Variants in KLF14 observed in about 807,000 individuals in gnomAD.
KLF14 encodes the protein KLF transcription factor 14.
Under a neutral mutation model 16.2 loss-of-function variants are expected in KLF14, and 13 were observed. The ratio of observed to expected loss-of-function variants is 0.80; its 90% CI spans 0.52 to 1.28. The LOEUF is 1.28. Among genes scored for constraint, KLF14 ranks in the 50% most tolerant of loss-of-function variants. The probability of loss-of-function intolerance (pLI) is 0.00; values close to 1 mark genes in which losing one functional copy is unlikely to be tolerated. For missense variants in KLF14, 571 were observed against 493.4 expected, an observed-to-expected ratio of 1.16 and a Z score of -1.49; for synonymous variants, 276 against 233.7, an observed-to-expected ratio of 1.18 and a Z score of -1.65.
rs782804960 is a variant in KLF14, at chr7:130,733,357, G to T, written c.677C>A (p.Ser226Tyr). The stretch of plus-strand genomic sequence containing the variant: ...CTTGTCGCAGTCGAGCCAGTCGCAG[G>T]AGAAAGGGCGCTCACCCGTGTGGGT... ...QRTHTGERPF[S>Y]CDWLDCDKKF... The change falls in exon 1 of 1, where the codon TCC becomes TAC. Residue 226 changes from serine to tyrosine, a missense_variant. Ser to Tyr is a moderately radical substitution (Grantham distance 144). Coordinates refer to ENST00000583337, the MANE Select transcript of KLF14 (RefSeq NM_138693.4). This position sits in a 1 kb window ranked among gnomAD's most constrained non-coding sequence, Gnocchi z 5.2. The T allele has an allele frequency of 6.2e-7, 1 of 1,614,032 alleles. No homozygotes were observed. Among genetic ancestry groups the T allele is most frequent in the South Asian group, 1.1e-5 (1 of 91,054 alleles).
At position 130,732,999 on chromosome 7, in the gene KLF14, A is replaced by G. The variant is rs1797217328; in HGVS notation, c.*63T>C. On this transcript the variant is annotated 3_prime_UTR_variant, in exon 1 of 1. Transcript: ENST00000583337. ...CTCTGGGAAAGAAGGATGGGCAGAG[A>G]GAAAGCAGGGACAACGGCCTGGGGG... The G allele has an allele frequency of 6.6e-7, 1 of 1,506,376 alleles. No homozygotes were observed. Among genetic ancestry groups the G allele is most frequent in the African/African-American group, 1.4e-5 (1 of 71,608 alleles). 93.3% of individuals were successfully genotyped at this position (1,506,376 alleles called of 1,614,324 possible).
rs1554471153 is a variant in KLF14 at position 130,733,883 on chromosome 7, C to A, written c.151G>T (p.Ala51Ser). 1 of 1,330,146 alleles carries A rather than the reference C, an allele frequency of 7.5e-7. No individual in the cohort carries two copies. Among genetic ancestry groups the A allele is most frequent in the South Asian group, 1.9e-5 (1 of 51,896 alleles). 82.4% of individuals were successfully genotyped at this position (1,330,146 alleles called of 1,614,324 possible). Reference sequence around the variant, plus strand: ...CCCGGTGGCCCCGGACCCGGCAGAGCGGACTCCGGCGGCGCCGCACCCACC... The same window carrying A: ...CCCGGTGGCCCCGGACCCGGCAGAGAGGACTCCGGCGGCGCCGCACCCACC... ...SEVGAAPPES[A>S]LPGPGPPGPA... Residue 51 changes from alanine to serine, a missense_variant, in exon 1 of 1, where the codon GCT becomes TCT. Physicochemically the swap from Ala to Ser is moderately conservative, Grantham distance 99. Coordinates refer to ENST00000583337, the MANE Select transcript of KLF14 (RefSeq NM_138693.4). This position sits in a 1 kb window ranked among gnomAD's most constrained non-coding sequence, Gnocchi z 5.2.
In KLF14 at chr7:130,733,048, C is replaced by T. The variant is rs1554470756; in HGVS notation, c.*14G>A. 1 of 1,542,662 alleles carries T rather than the reference C, an allele frequency of 6.5e-7. No homozygotes were observed. On this transcript the variant is annotated 3_prime_UTR_variant, in exon 1 of 1. Coordinates refer to ENST00000583337, the MANE Select transcript of KLF14 (RefSeq NM_138693.4). The surrounding 1 kb of genome is among the most constrained non-coding windows in gnomAD (Gnocchi z 5.2). ...GGATCATCCTTGAGGGTAAGACTGA[C>T]AGCAATGACTGTCCTACAGGCAGGT...
Position 130,733,002 on chromosome 7 carries a change from A to C in KLF14, c.*60T>G, listed in dbSNP as rs1797217382. On this transcript the variant is annotated 3_prime_UTR_variant, in exon 1 of 1. Coordinates refer to ENST00000583337, the MANE Select transcript of KLF14 (RefSeq NM_138693.4). The surrounding 1 kb of genome is among the most constrained non-coding windows in gnomAD (Gnocchi z 5.2). ...TGGGAAAGAAGGATGGGCAGAGAGA[A>C]AGCAGGGACAACGGCCTGGGGGATC... 2 of 1,508,576 alleles carry C rather than the reference A, an allele frequency of 1.3e-6. No individual in the cohort carries two copies. The highest frequency in any genetic ancestry group is 1.8e-6 in the Non-Finnish European group (2 of 1,132,280). 93.4% of individuals were successfully genotyped at this position (1,508,576 alleles called of 1,614,324 possible). A position where few individuals can be genotyped will look rare whatever the true frequency, so the allele number is the denominator to read the frequency against.
rs1256866663 is a variant in KLF14 at position 130,733,961 on chromosome 7, C to A, written c.73G>T (p.Val25Phe). Residue 25 changes from valine to phenylalanine, a missense_variant, in exon 1 of 1, where the codon GTT becomes TTT. Val to Phe is a conservative substitution (Grantham distance 50). Transcript: ENST00000583337. This position sits in a 1 kb window ranked among gnomAD's most constrained non-coding sequence, Gnocchi z 5.2. Reference sequence around the variant, plus strand: ...TCGGGGTCCGGCGGGCGGCGGTGAACCACGGCGCCCGCGGACATGGACACC... The same window carrying A: ...TCGGGGTCCGGCGGGCGGCGGTGAAACACGGCGCCCGCGGACATGGACACC... ...CLVSMSAGAVVHRRPPDPEGA... is the reference protein window; with the variant it reads ...CLVSMSAGAVFHRRPPDPEGA... 1 of 1,372,680 alleles carries A rather than the reference C, an allele frequency of 7.3e-7. No homozygotes were observed. The highest frequency in any genetic ancestry group is 3.4e-5 in the East Asian group (1 of 29,368). The allele number at this position is 1,372,680 out of a possible 1,614,324, so 85.0% of individuals were successfully genotyped here. A position where few individuals can be genotyped will look rare whatever the true frequency, so the allele number is the denominator to read the frequency against.
rs1797217778 is a variant in KLF14, at chr7:130,733,021, G to A, written c.*41C>T. 5 of 1,520,838 alleles carry A rather than the reference G, an allele frequency of 3.3e-6. No homozygotes were observed. Among genetic ancestry groups the A allele is most frequent in the Middle Eastern group, 4.6e-4 (2 of 4,356 alleles). 94.2% of individuals were successfully genotyped at this position (1,520,838 alleles called of 1,614,324 possible). On this transcript the variant is annotated 3_prime_UTR_variant, in exon 1 of 1. Transcript: ENST00000583337. The surrounding 1 kb of genome is among the most constrained non-coding windows in gnomAD (Gnocchi z 5.2). ...GAGAGAAAGCAGGGACAACGGCCTGGGGGATCATCCTTGAGGGTAAGACTG... is the reference window on the plus strand; with the variant it reads ...GAGAGAAAGCAGGGACAACGGCCTGAGGGATCATCCTTGAGGGTAAGACTG...
Position 130,733,599 on chromosome 7 carries a change from G to A in KLF14, c.435C>T (p.Ser145=), listed in dbSNP as rs1443611773. 5 of 1,545,906 alleles carry A rather than the reference G, an allele frequency of 3.2e-6. No individual in the cohort carries two copies. Among genetic ancestry groups the A allele is most frequent in the East Asian group, 4.9e-5 (2 of 40,994 alleles). The change falls in exon 1 of 1, where the codon TCC becomes TCT. Residue 145 remains serine, a synonymous_variant. Coordinates refer to ENST00000583337, the MANE Select transcript of KLF14 (RefSeq NM_138693.4). The surrounding 1 kb of genome is among the most constrained non-coding windows in gnomAD (Gnocchi z 5.2). ...GCGCGCTTGGGACGGCGGGCGCATCGGAGGAGCTCTCGGGAGCGCAGACCG... is the reference window on the plus strand; with the variant it reads ...GCGCGCTTGGGACGGCGGGCGCATCAGAGGAGCTCTCGGGAGCGCAGACCG... ...AAAVCAPESS[S]DAPAVPSAPA... is the part of the protein sequence containing the mutation.
Position 130,732,854 on chromosome 7 carries a change from T to C in KLF14, c.*208A>G, listed in dbSNP as rs1797214076. 3.4e-6 allele frequency: 2 copies of C among 591,818 alleles called. No individual in the cohort carries two copies. Among genetic ancestry groups the C allele is most frequent in the Non-Finnish European group, 5.8e-6 (2 of 346,638 alleles). 36.7% of individuals were successfully genotyped at this position (591,818 alleles called of 1,614,324 possible). On this transcript the variant is annotated 3_prime_UTR_variant, in exon 1 of 1. Coordinates refer to ENST00000583337, the MANE Select transcript of KLF14 (RefSeq NM_138693.4). Reference sequence around the variant, plus strand: ...CTTGAGGCAACCCCCACTTTTAGGATGATATACACGTTGCAAGAATTCCCG... The same window carrying C: ...CTTGAGGCAACCCCCACTTTTAGGACGATATACACGTTGCAAGAATTCCCG...
Position 130,734,179 on chromosome 7 carries a change from C to CGCCGCA in KLF14, c.-152_-147dup, listed in dbSNP as rs1797263138. ...GCCTGCCGCCTGCTGCCGCCGCCGC[C>CGCCGCA]GCCGCAGCCGCCGCTGCCGCCGCCG... On this transcript the variant is annotated 5_prime_UTR_variant, in exon 1 of 1. Coordinates refer to ENST00000583337, the MANE Select transcript of KLF14 (RefSeq NM_138693.4). This position sits in a 1 kb window ranked among gnomAD's most constrained non-coding sequence, Gnocchi z 4.4. The CGCCGCA allele has an allele frequency of 3.7e-6, 1 of 269,412 alleles. No individual in the cohort carries two copies. The highest frequency in any genetic ancestry group is 2.3e-5 in the African/African-American group (1 of 42,890). The allele number at this position is 269,412 out of a possible 1,614,324, so 16.7% of individuals were successfully genotyped here.
Position 130,732,981 on chromosome 7 carries a change from AAAG to A in KLF14, c.*78_*80del. On this transcript the variant is annotated 3_prime_UTR_variant, in exon 1 of 1. Coordinates refer to ENST00000583337, the MANE Select transcript of KLF14 (RefSeq NM_138693.4). ...TGTGCCTTGGTGTAATGACTCTGGGAAAGAAGGATGGGCAGAGAGAAAGCAGGG... is the reference window on the plus strand; with the variant it reads ...TGTGCCTTGGTGTAATGACTCTGGGAAAGGATGGGCAGAGAGAAAGCAGGG... 1 of 1,479,020 alleles carries A rather than the reference AAAG, an allele frequency of 6.8e-7. No individual in the cohort carries two copies. Among genetic ancestry groups the A allele is most frequent in the South Asian group, 1.4e-5 (1 of 71,754 alleles). 91.6% of individuals were successfully genotyped at this position (1,479,020 alleles called of 1,614,324 possible). A position where few individuals can be genotyped will look rare whatever the true frequency, so the allele number is the denominator to read the frequency against.
In KLF14 at chr7:130,732,988, G is replaced by A; in HGVS notation, c.*74C>T. On this transcript the variant is annotated 3_prime_UTR_variant, in exon 1 of 1. Transcript: ENST00000583337. ...TGGTGTAATGACTCTGGGAAAGAAG[G>A]ATGGGCAGAGAGAAAGCAGGGACAA... 1.3e-6 allele frequency: 2 copies of A among 1,489,220 alleles called. No individual in the cohort carries two copies. The highest frequency in any genetic ancestry group is 1.8e-6 in the Non-Finnish European group (2 of 1,120,300). 92.3% of individuals were successfully genotyped at this position (1,489,220 alleles called of 1,614,324 possible).
rs782644760 is a variant in KLF14, at chr7:130,733,477, C to G, written c.557G>C (p.Arg186Thr). 6.2e-7 allele frequency: 1 copy of G among 1,611,504 alleles called. No individual in the cohort carries two copies. Among genetic ancestry groups the G allele is most frequent in the South Asian group, 1.1e-5 (1 of 90,708 alleles). Residue 186 changes from arginine (R) to threonine (T), a missense_variant, in exon 1 of 1, where the codon AGG (arginine) becomes ACG (threonine). Coordinates refer to ENST00000583337, the MANE Select transcript of KLF14 (RefSeq NM_138693.4). The surrounding 1 kb of genome is among the most constrained non-coding windows in gnomAD (Gnocchi z 5.2). ...APAADQAPRR[R>T]SVTPAAKRHQ... ...GCGCTTGGCAGCAGGTGTGACAGAC[C>G]TCCTCCGGGGCGCCTGATCCGCGGC... is the stretch of plus-strand genomic sequence containing the variant.
Position 130,733,780 on chromosome 7 carries a change from G to A in KLF14, c.254C>T (p.Ala85Val). The A allele has an allele frequency of 6.7e-7, 1 of 1,500,832 alleles. No homozygotes were observed. Among genetic ancestry groups the A allele is most frequent in the Non-Finnish European group, 8.8e-7 (1 of 1,132,358 alleles). 93.0% of individuals were successfully genotyped at this position (1,500,832 alleles called of 1,614,324 possible). The change falls in exon 1 of 1, where the codon GCT (alanine) becomes GTT (valine). Residue 85 changes from alanine (A) to valine (V), a missense_variant. Physicochemically the swap from Ala to Val is moderately conservative, Grantham distance 64. Coordinates refer to ENST00000583337, the MANE Select transcript of KLF14 (RefSeq NM_138693.4). The surrounding 1 kb of genome is among the most constrained non-coding windows in gnomAD (Gnocchi z 5.2). ...GCGCAAGTCCGCCCAGACGCTTGCA[G>A]CCAGCAGGTGGGGCGCGGCGCCGCC... ...GAGGAAPHLLAASVWADLRGS... is the reference protein window; with the variant it reads ...GAGGAAPHLLVASVWADLRGS...
Position 130,730,891 on chromosome 7 carries a change from T to C in KLF14, c.*2171A>G, listed in dbSNP as rs1264293197. 6.6e-6 allele frequency among the ~76,000 whole-genome samples: 1 copy of C among 152,194 alleles called. No homozygotes were observed. Among genetic ancestry groups the C allele is most frequent in the Non-Finnish European group, 1.5e-5 (1 of 68,040 alleles). On this transcript the variant is annotated 3_prime_UTR_variant, in exon 1 of 1. Transcript: ENST00000583337. The stretch of plus-strand genomic sequence containing the variant: ...AATAGGACCCCCAATGCCCTAGCTA[T>C]CCAGCCCTAGCTGAAGAGACAAACA...
In KLF14 at chr7:130,730,719, G is replaced by C. The variant is rs782417371; in HGVS notation, c.*2343C>G. 5.3e-5 allele frequency among the ~76,000 whole-genome samples: 8 copies of C among 152,180 alleles called. No individual in the cohort carries two copies. Among genetic ancestry groups the C allele is most frequent in the Admixed American group, 5.2e-4 (8 of 15,280 alleles). Reference sequence around the variant, plus strand: ...CTATTTGGGAGCTTGAGAATCAAAAGTTATTTATCAACAGGTGATTGGAAA... The same window carrying C: ...CTATTTGGGAGCTTGAGAATCAAAACTTATTTATCAACAGGTGATTGGAAA... On this transcript the variant is annotated 3_prime_UTR_variant, in exon 1 of 1. Coordinates refer to ENST00000583337, the MANE Select transcript of KLF14 (RefSeq NM_138693.4).
At position 130,733,151 on chromosome 7, in the gene KLF14, G is replaced by T; in HGVS notation, c.883C>A (p.Arg295Ser). Residue 295 changes from arginine (R) to serine (S), a missense_variant, in exon 1 of 1, where the codon CGC becomes AGC. Transcript: ENST00000583337. This position sits in a 1 kb window ranked among gnomAD's most constrained non-coding sequence, Gnocchi z 5.2. ...TCGCTGGTGAGTGGCGGGTCGATGC[G>T]GGGAGTTCGACGACGTCCCCGGTAC... ...IEYRGRRRTP[R>S]IDPPLTSEVE... 6.3e-7 allele frequency: 1 copy of T among 1,581,524 alleles called. No homozygotes were observed. The highest frequency in any genetic ancestry group is 1.2e-5 in the South Asian group (1 of 86,614).
In KLF14 at chr7:130,733,525, G is replaced by A; in HGVS notation, c.509C>T (p.Ala170Val). The change falls in exon 1 of 1, where the codon GCC becomes GTC. Residue 170 changes from alanine to valine, a missense_variant. Ala to Val is a moderately conservative substitution (Grantham distance 64, BLOSUM62 0). Coordinates refer to ENST00000583337, the MANE Select transcript of KLF14 (RefSeq NM_138693.4). The surrounding 1 kb of genome is among the most constrained non-coding windows in gnomAD (Gnocchi z 5.2). ...GGCGGGGGCGGGGCCTGCCCCTAGG[G>A]CCCCTCCAGAGAACCCACCAGAGGC... ...PAASGGFSGG[A>V]LGAGPAPAAD... 3.2e-6 allele frequency: 5 copies of A among 1,576,906 alleles called. No homozygotes were observed. Among genetic ancestry groups the A allele is most frequent in the Non-Finnish European group, 4.3e-6 (5 of 1,162,234 alleles).
Position 130,733,806 on chromosome 7 carries a change from C to A in KLF14, c.228G>T (p.Ala76=), listed in dbSNP as rs531488694. The change falls in exon 1 of 1, where the codon GCG becomes GCT. Residue 76 remains alanine, a synonymous_variant. Coordinates refer to ENST00000583337, the MANE Select transcript of KLF14 (RefSeq NM_138693.4). This position sits in a 1 kb window ranked among gnomAD's most constrained non-coding sequence, Gnocchi z 5.2. ...CCAGCAGGTGGGGCGCGGCGCCGCC[C>A]GCGCCGGGGCTGGGGGCGGGGACCT... ...LPQVPAPSPG[A]GGAAPHLLAA... is the part of the protein sequence containing the mutation. 8.1e-4 allele frequency: 1,190 copies of A among 1,460,354 alleles called. 12 individuals are homozygous for A. In the African/African-American group the frequency reaches 0.016, roughly 20 times the overall value. 90.5% of individuals were successfully genotyped at this position (1,460,354 alleles called of 1,614,324 possible).
rs200424612 is a variant in KLF14 at position 130,733,446 on chromosome 7, T to C, written c.588A>G (p.Gln196=). Residue 196 remains glutamine (Q), a synonymous_variant, in exon 1 of 1, where the codon CAA becomes CAG. Transcript: ENST00000583337. The surrounding 1 kb of genome is among the most constrained non-coding windows in gnomAD (Gnocchi z 5.2). ...RSVTPAAKRH[Q]CPFPGCTKAY... The stretch of plus-strand genomic sequence containing the variant: ...CTTTGGTGCAGCCCGGGAAGGGGCA[T>C]TGGTGGCGCTTGGCAGCAGGTGTGA... 2.0e-5 allele frequency: 33 copies of C among 1,613,596 alleles called. 1 individual carries two copies. Among genetic ancestry groups the C allele is most frequent in the African/African-American group, 2.7e-5 (2 of 74,912 alleles).
Sources: gnomAD v4.1 joint callset for allele counts (sites outside exome capture counted in the v4.1 genomes callset) on GRCh38, gnomAD v4.1.1 for gene constraint, Gnocchi (gnomAD v3.1) non-coding constraint, MANE v1.5 for transcripts, NCBI Gene and HGNC (gene_info 2026-07-23, HGNC 2026-07-21) for gene names.